HECW2: variants seen among roughly 807,000 people sequenced by gnomAD.
HECW2 encodes HECT, C2 and WW domain containing E3 ubiquitin protein ligase 2.
HECW2 carries 61 observed loss-of-function variants against 175.2 expected under a neutral mutation model. The observed-to-expected ratio is 0.35, with a 90% CI of 0.28 to 0.43. HECW2 has a LOEUF of 0.43. HECW2 is among the 20% of genes least tolerant of loss of function. The pLI is 1.00. For missense variants in HECW2, 1,524 were observed against 2,000.5 expected, an observed-to-expected ratio of 0.76 and a Z score of 4.54; for synonymous variants, 671 against 731.0, an observed-to-expected ratio of 0.92 and a Z score of 1.32.
At chr2:196,330,315 T>C (rs1692311743) in intron 4 of HECW2, among the ~76,000 whole-genome samples, 4 of 152,218 alleles carry the variant, frequency 2.6e-5, no homozygotes, top group Admixed American at 2.6e-4. Flanking sequence ...TCAAATTATG[T>C]ACAATTAATG....
intron 6 of HECW2, 71 bp downstream of exon 6, chr2:196,324,909 G>T: frequency 2.3e-6 from 3 of 1,308,820 alleles, no homozygotes; most frequent in Non-Finnish European, 2.1e-6. Flanking sequence ...GGATGCAAAA[G>T]TCTCAAGGAA....
chr2:196,364,311 T>C (rs1478404753), intron 2 of HECW2, among the ~76,000 whole-genome samples: 1 of 152,222 alleles, frequency 6.6e-6, no homozygotes, highest in African/African-American at 2.4e-5. Flanking sequence ...ATAATGGAAT[T>C]AGATTTCCCA....
intron 28 of HECW2, among the ~76,000 whole-genome samples, chr2:196,202,063 T>C (rs1686877611): frequency 1.3e-5 from 2 of 152,206 alleles, no homozygotes; most frequent in African/African-American, 2.4e-5. Context: ...GAAAAAAATA[T>C]GTTTTCCTGT....
intron 13 of HECW2, among the ~76,000 whole-genome samples, chr2:196,295,175 A>G (rs1690760116): frequency 6.6e-6 from 1 of 152,178 alleles, no homozygotes; most frequent in Non-Finnish European, 1.5e-5. Flanking sequence ...TTCAGAGCAG[A>G]GAGTACTGTC....
chr2:196,447,446 T>TAA (rs1696219599), intron 1 of HECW2, among the ~76,000 whole-genome samples: 2 of 152,152 alleles, frequency 1.3e-5, no homozygotes, highest in Non-Finnish European at 2.9e-5. Flanking sequence ...AACAATAAAC[T>TAA]GATGGCAAAG....
chr2:196,228,271 C>CA lies in HECW2; in HGVS notation c.3765-18dup. ...TAATCCAGCCTGTAACAAAAATCCA[C>CA]AAAAAGAATAATCTGTTACTTTTTT... On this transcript the variant is annotated splice_polypyrimidine_tract_variant and intron_variant, in intron 21 of 28. Transcript: ENST00000644978. The CA allele has an allele frequency of 6.3e-7, 1 of 1,583,014 alleles. No homozygotes were observed. Among genetic ancestry groups the CA allele is most frequent in the East Asian group, 2.2e-5 (1 of 44,638 alleles).
intron 13 of HECW2, among the ~76,000 whole-genome samples, chr2:196,297,173 A>G (rs972413149): frequency 6.6e-6 from 1 of 152,212 alleles, no homozygotes; most frequent in Admixed American, 6.5e-5. Flanking sequence ...GCCCCTTTAA[A>G]TGATCTCTAA....
intron 2 of HECW2, among the ~76,000 whole-genome samples, chr2:196,382,246 T>C (rs906393633): frequency 1.5e-4 from 23 of 151,252 alleles, no homozygotes; most frequent in East Asian, 5.8e-4. Context: ...TATATATATA[T>C]ACATGTGTGG....
Position 196,312,248 on chromosome 2 carries a change from G to T in HECW2, c.2435-4163C>A, listed in dbSNP as rs183157115. Among the ~76,000 whole-genome samples, 39 of 141,566 alleles carry T rather than the reference G, an allele frequency of 2.8e-4. 1 individual carries two copies. The Middle Eastern group carries it at 0.015, about 54-fold the overall frequency. The allele number at this position is 141,566 out of a possible 152,430, so 92.9% of individuals were successfully genotyped here. On this transcript the variant is annotated intron_variant, in intron 10 of 28. Coordinates refer to ENST00000644978, the MANE Select transcript of HECW2 (RefSeq NM_001348768.2). ...GAATTACAACGTATCAGGGATGGGT[G>T]GGGGGGTGCTATGGGTAGGGTTTTG...
intron 17 of HECW2, among the ~76,000 whole-genome samples, chr2:196,259,734 G>C (rs1220477235): frequency 6.6e-6 from 1 of 152,084 alleles, no homozygotes; most frequent in Admixed American, 6.6e-5. Flanking sequence ...TGGAAACCCA[G>C]GCCCATTATC....
chr2:196,229,514 C>CA (rs919313643), intron 21 of HECW2, among the ~76,000 whole-genome samples: 40 of 151,990 alleles, frequency 2.6e-4, no homozygotes, highest in African/African-American at 9.2e-4. Context: ...CCCGTCTCTA[C>CA]AAAAAATAAG....
chr2:196,422,992 T>G (rs887077034), intron 2 of HECW2, among the ~76,000 whole-genome samples: 1 of 152,136 alleles, frequency 6.6e-6, no homozygotes, highest in Non-Finnish European at 1.5e-5. Context: ...TTATTTAGCA[T>G]TCACATTTTA....
chr2:196,430,599 A>C (rs987672453), intron 2 of HECW2, among the ~76,000 whole-genome samples: 2 of 152,182 alleles, frequency 1.3e-5, no homozygotes, highest in African/African-American at 4.8e-5. Context: ...AACTAGAAAA[A>C]GAGAAATGCA....
At chr2:196,438,204 G>A (rs533068205) in intron 1 of HECW2, among the ~76,000 whole-genome samples, 1 of 152,230 alleles carries the variant, frequency 6.6e-6, no homozygotes, top group East Asian at 1.9e-4. Context: ...CTACTAGGAC[G>A]AACAAAAGCT....
At chr2:196,267,909 C>A (rs1575326459) in intron 17 of HECW2, among the ~76,000 whole-genome samples, 1 of 152,130 alleles carries the variant, frequency 6.6e-6, no homozygotes, top group African/African-American at 2.4e-5. Flanking sequence ...AGGACATATG[C>A]CAAGCTATGT....
At chr2:196,315,031 G>T (rs1280132711) in intron 10 of HECW2, among the ~76,000 whole-genome samples, 1 of 151,014 alleles carries the variant, frequency 6.6e-6, no homozygotes, top group African/African-American at 2.5e-5. Flanking sequence ...ACACACATGG[G>T]AATGGGAGAC....
chr2:196,521,111 T>C (rs988096847), intron 1 of HECW2, among the ~76,000 whole-genome samples: 4 of 152,150 alleles, frequency 2.6e-5, no homozygotes, highest in Non-Finnish European at 5.9e-5. Context: ...CATTCCATTT[T>C]ACATGGGAAG....
At chr2:196,201,498 C>A in intron 28 of HECW2, 110 bp from the exon 29 acceptor site, 1 of 583,450 alleles carries the variant, frequency 1.7e-6, no homozygotes, top group African/African-American at 1.9e-5. Flanking sequence ...CTTTCACATT[C>A]AAATTTATTT....
intron 1 of HECW2, among the ~76,000 whole-genome samples, chr2:196,477,605 T>C (rs1686690265): frequency 6.6e-6 from 1 of 152,216 alleles, no homozygotes; most frequent in Non-Finnish European, 1.5e-5. Flanking sequence ...CCTTTTCAAA[T>C]AATCACAAAA....
Sources: allele counts gnomAD v4.1 joint callset (sites outside exome capture counted in the v4.1 genomes callset), GRCh38; gene constraint gnomAD v4.1.1; transcripts MANE v1.5; gene names NCBI Gene and HGNC (gene_info 2026-07-23, HGNC 2026-07-21).